The following AK5 variants were observed in gnomAD, a reference collection of about 807,000 sequenced individuals.
AK5 encodes the protein adenylate kinase 5.
In AK5, 27 loss-of-function variants were observed where a neutral mutation model predicts 69.5. That is an observed-to-expected ratio of 0.39 (90% confidence interval 0.29 to 0.54). AK5 has a LOEUF of 0.54. Among genes scored for constraint, AK5 ranks in the 20% least tolerant of loss-of-function variants. AK5 has a pLI of 0.71. For missense variants in AK5, 531 were observed against 700.4 expected, an observed-to-expected ratio of 0.76 and a Z score of 2.73; for synonymous variants, 260 against 244.4, an observed-to-expected ratio of 1.06 and a Z score of -0.60.
intron 8 of AK5, among the ~76,000 whole-genome samples, chr1:77,429,884 G>A (rs541395333): frequency 1.3e-5 from 2 of 152,172 alleles, no homozygotes; most frequent in Non-Finnish European, 2.9e-5. Flanking sequence ...GGATGAAGCA[G>A]GAAGAAGCAT....
chr1:77,367,555 T>TATATATATATATAA (rs1553139660), intron 6 of AK5, among the ~76,000 whole-genome samples: 1 of 59,298 alleles, frequency 1.7e-5, no homozygotes, highest in South Asian at 5.6e-4. Flanking sequence ...TTTATGTTAT[T>TATATATATATATAA]TTTATATATA....
intron 13 of AK5, chr1:77,540,807 A>G (rs1659226936): frequency 2.0e-5 from 3 of 152,256 alleles, no homozygotes; most frequent in Non-Finnish European, 4.4e-5. Flanking sequence ...TTTATAAAAT[A>G]TAGAAAACTG....
At chr1:77,511,753 A>C (rs1034413382) in intron 10 of AK5, among the ~76,000 whole-genome samples, 1 of 152,208 alleles carries the variant, frequency 6.6e-6, no homozygotes, top group African/African-American at 2.4e-5. Context: ...CAGGGAGAGC[A>C]GGCTGATGGT....
intron 10 of AK5, among the ~76,000 whole-genome samples, chr1:77,503,141 T>G (rs1161733349): frequency 6.6e-6 from 1 of 152,192 alleles, no homozygotes; most frequent in East Asian, 1.9e-4. Flanking sequence ...TAAAATCACC[T>G]ATCAGGTTTT....
At chr1:77,462,459 C>T (rs3104466) in intron 8 of AK5, among the ~76,000 whole-genome samples, 150,200 of 152,176 alleles carry the variant, frequency 0.99, 74,155 homozygotes, top group Middle Eastern at 1. Context: ...AATATAGATA[C>T]TTAAAAGGAA....
In AK5 at chr1:77,406,104, A is replaced by T. The variant is rs140334399; in HGVS notation, c.892-4877A>T. Among the ~76,000 whole-genome samples the T allele has an allele frequency of 2.7e-3, 398 of 147,422 alleles. 4 individuals carry two copies. In the South Asian group the frequency reaches 0.04, roughly 15 times the overall value. Reference sequence around the variant, plus strand: ...TAGATATTGCCCCAGACTGATGATAACTAACAGATATCTGAAAAGAAAAAC... The same window carrying T: ...TAGATATTGCCCCAGACTGATGATATCTAACAGATATCTGAAAAGAAAAAC... On this transcript the variant is annotated intron_variant, in intron 6 of 13. Coordinates refer to ENST00000354567, the MANE Select transcript of AK5 (RefSeq NM_174858.3).
chr1:77,518,552 C>G lies in AK5; in HGVS notation c.1148-12C>G. On this transcript the variant is annotated splice_polypyrimidine_tract_variant and intron_variant, in intron 10 of 13. Transcript: ENST00000354567. The stretch of plus-strand genomic sequence containing the variant: ...CTTGGAATGCATGTCTGACACATGA[C>G]TTCTTTTCAAGGTGGTCCTGGCTCT... 6.2e-7 allele frequency: 1 copy of G among 1,612,926 alleles called. No homozygotes were observed. The highest frequency in any genetic ancestry group is 8.5e-7 in the Non-Finnish European group (1 of 1,179,344).
chr1:77,378,829 G>A (rs911603514), intron 6 of AK5, among the ~76,000 whole-genome samples: 6 of 152,192 alleles, frequency 3.9e-5, no homozygotes, highest in Non-Finnish European at 7.3e-5. Context: ...CAATCTCTAG[G>A]CTGAGGGGAG....
At chr1:77,540,841 A>G (rs915179745) in intron 13 of AK5, among the ~76,000 whole-genome samples, 3 of 152,172 alleles carry the variant, frequency 2.0e-5, no homozygotes, top group Admixed American at 1.3e-4. Context: ...GCACATGTCT[A>G]TAATCACAGC....
At chr1:77,479,486 G>A (rs1293529899) in intron 8 of AK5, among the ~76,000 whole-genome samples, 3 of 152,090 alleles carry the variant, frequency 2.0e-5, no homozygotes, top group Non-Finnish European at 4.4e-5. Flanking sequence ...GATTACAGGC[G>A]TGAGCCACCG....
intron 5 of AK5, chr1:77,313,896 A>G (rs1366834127): frequency 5.7e-6 from 3 of 530,582 alleles, no homozygotes; most frequent in Non-Finnish European, 1.2e-5. Flanking sequence ...CTCCCTAAAG[A>G]CACAGCCTGT....
intron 8 of AK5, among the ~76,000 whole-genome samples, chr1:77,481,788 C>T (rs184580979): frequency 2.0e-4 from 30 of 152,300 alleles, no homozygotes; most frequent in Admixed American, 2.0e-3. Context: ...ACCATGCAGT[C>T]CCCTCTCTCG....
chr1:77,524,946 C>T (rs1199148469), intron 12 of AK5, among the ~76,000 whole-genome samples: 5 of 152,260 alleles, frequency 3.3e-5, no homozygotes, highest in Admixed American at 1.3e-4. Flanking sequence ...TTCAGTCTGT[C>T]GCCCAGGCTG....
intron 8 of AK5, among the ~76,000 whole-genome samples, chr1:77,438,047 A>T (rs1471398698): frequency 6.6e-6 from 1 of 152,128 alleles, no homozygotes; most frequent in African/African-American, 2.4e-5. Flanking sequence ...GATGACTCTT[A>T]GGTGTACTGG....
chr1:77,287,431 A>G (rs1658421163), intron 2 of AK5, among the ~76,000 whole-genome samples: 1 of 152,252 alleles, frequency 6.6e-6, no homozygotes, highest in Non-Finnish European at 1.5e-5. Context: ...ATTGCAAACA[A>G]GATTTCTCCA....
chr1:77,486,720 A>G (rs1378962505), intron 10 of AK5, among the ~76,000 whole-genome samples: 3 of 151,444 alleles, frequency 2.0e-5, no homozygotes, highest in Non-Finnish European at 1.5e-5. Context: ...GGAATTTGGT[A>G]GTGAAAGAGA....
At chr1:77,521,295 G>A (rs749044377) in intron 11 of AK5, among the ~76,000 whole-genome samples, 4 of 151,996 alleles carry the variant, frequency 2.6e-5, no homozygotes, top group South Asian at 2.1e-4. Flanking sequence ...GGCAATGCCC[G>A]GCCAATTTTT....
At chr1:77,547,679 T>C (rs1480622106) in intron 13 of AK5, among the ~76,000 whole-genome samples, 3 of 152,184 alleles carry the variant, frequency 2.0e-5, no homozygotes, top group African/African-American at 4.8e-5. Context: ...CCATAAAAAA[T>C]ACTGGAACTA....
At chr1:77,444,348 ATATGT>A (rs1652572546) in intron 8 of AK5, among the ~76,000 whole-genome samples, 1 of 59,952 alleles carries the variant, frequency 1.7e-5, no homozygotes, top group Non-Finnish European at 3.0e-5. Flanking sequence ...TATACACAAT[ATATGT>A]GTATATATAG....
Sources: allele counts gnomAD v4.1 joint callset (sites outside exome capture counted in the v4.1 genomes callset), GRCh38; gene constraint gnomAD v4.1.1; transcripts MANE v1.5; gene names NCBI Gene and HGNC (gene_info 2026-07-23, HGNC 2026-07-21).